Variants in CNTNAP2 observed in about 807,000 individuals in gnomAD.
CNTNAP2 encodes the protein contactin associated protein 2.
CNTNAP2 carries 98 observed loss-of-function variants against 155.2 expected under a neutral mutation model. The observed-to-expected ratio is 0.63, with a 90% confidence interval of 0.54 to 0.75. CNTNAP2 has a LOEUF of 0.75. Among genes scored for constraint, CNTNAP2 ranks in the 30% least tolerant of loss-of-function variants. CNTNAP2 has a pLI of 0.00. For missense variants in CNTNAP2, 1,727 were observed against 1,688.1 expected, an observed-to-expected ratio of 1.02 and a Z score of -0.40; for synonymous variants, 651 against 631.2, an observed-to-expected ratio of 1.03 and a Z score of -0.47.
At chr7:147,129,707 C>T (rs868062685) in intron 7 of CNTNAP2, among the ~76,000 whole-genome samples, 2 of 152,026 alleles carry the variant, frequency 1.3e-5, no homozygotes, top group Non-Finnish European at 2.9e-5. Context: ...CTGATGGTCT[C>T]GTTGCCTCAA....
chr7:147,286,644 A>G (rs1805186152), intron 8 of CNTNAP2, among the ~76,000 whole-genome samples: 1 of 152,144 alleles, frequency 6.6e-6, no homozygotes, highest in Admixed American at 6.6e-5. Flanking sequence ...CTGAAAGTGC[A>G]TACAAATTTG....
intron 9 of CNTNAP2, among the ~76,000 whole-genome samples, chr7:147,351,828 G>A (rs7798078): frequency 0.28 from 42,485 of 151,664 alleles, 6,236 homozygotes; most frequent in African/African-American, 0.34. Flanking sequence ...AAGACTATAT[G>A]AATCTGATTC....
rs1800060425 is a variant in CNTNAP2 at position 148,419,251 on chromosome 7, A to C, written c.*3635A>C. 1 of 151,922 alleles carries C rather than the reference A, an allele frequency of 6.6e-6. No homozygotes were observed. The highest frequency in any genetic ancestry group is 1.5e-5 in the Non-Finnish European group (1 of 67,978). The allele number at this position is 151,922 out of a possible 1,614,324, so 9.4% of individuals were successfully genotyped here. A position where few individuals can be genotyped will look rare whatever the true frequency, so the allele number is the denominator to read the frequency against. ...CACCACCCTGTTGAGCAATTTTCCCAAAAAAAGGGCAGCAATTATTAAATT... is the reference window on the plus strand; with the variant it reads ...CACCACCCTGTTGAGCAATTTTCCCCAAAAAAGGGCAGCAATTATTAAATT... On this transcript the variant is annotated 3_prime_UTR_variant, in exon 24 of 24. Transcript: ENST00000361727.
At chr7:148,021,191 T>TTTTGTTTTG (rs71527869) in intron 15 of CNTNAP2, among the ~76,000 whole-genome samples, 3 of 151,700 alleles carry the variant, frequency 2.0e-5, no homozygotes, top group East Asian at 1.9e-4. Flanking sequence ...AGGTTTTTTG[T>TTTTGTTTTG]TTTTGTTTTG....
chr7:147,917,719 TAAGGGGCAAC>T (rs1563134532), intron 14 of CNTNAP2, among the ~76,000 whole-genome samples: 15 of 152,128 alleles, frequency 9.9e-5, no homozygotes, highest in Non-Finnish European at 2.2e-4. Flanking sequence ...AAATGAGCAT[TAAGGGGCAAC>T]TAAGAGCCTC....
At chr7:147,601,644 A>AAATATATAT (rs1299075338) in intron 12 of CNTNAP2, among the ~76,000 whole-genome samples, 29 of 87,444 alleles carry the variant, frequency 3.3e-4, no homozygotes, top group South Asian at 7.4e-4. Context: ...CTTAAAAAAA[A>AAATATATAT]ATATATATAT....
At chr7:146,247,310 G>C (rs1173035400) in intron 1 of CNTNAP2, among the ~76,000 whole-genome samples, 1 of 152,194 alleles carries the variant, frequency 6.6e-6, no homozygotes, top group African/African-American at 2.4e-5. Flanking sequence ...TGCTGAGCAG[G>C]TGCCGGAGGG....
chr7:147,564,263 A>T (rs902200270), intron 12 of CNTNAP2, among the ~76,000 whole-genome samples: 1 of 140,714 alleles, frequency 7.1e-6, no homozygotes, highest in Non-Finnish European at 1.6e-5. Context: ...GCTAGCTCCC[A>T]GTTTAATTTT....
At chr7:148,414,017 T>G (rs552616213) in intron 23 of CNTNAP2, among the ~76,000 whole-genome samples, 1 of 152,254 alleles carries the variant, frequency 6.6e-6, no homozygotes, top group East Asian at 1.9e-4. Context: ...TTTAGATCAG[T>G]TATATTTACT....
At chr7:148,413,842 C>CAAA (rs1799912090) in intron 23 of CNTNAP2, among the ~76,000 whole-genome samples, 1 of 125,210 alleles carries the variant, frequency 8.0e-6, no homozygotes, top group Non-Finnish European at 1.8e-5. Flanking sequence ...CTACTAACAA[C>CAAA]CTTGTCCTTT....
rs181659101 is a variant in CNTNAP2, at chr7:146,621,925, G to T, written c.98-152346G>T. ...TTATTCAATCATTTACATTATTATG[G>T]ACACATGAAATTTGATTTTATCATA... On this transcript the variant is annotated intron_variant, in intron 1 of 23. Transcript: ENST00000361727. 2.4e-4 allele frequency among the ~76,000 whole-genome samples: 37 copies of T among 151,900 alleles called. 1 individual carries two copies. In the East Asian group the frequency reaches 6.6e-3, roughly 27 times the overall value.
chr7:148,281,760 T>C (rs1796976396), intron 21 of CNTNAP2, among the ~76,000 whole-genome samples: 1 of 151,934 alleles, frequency 6.6e-6, no homozygotes, highest in Non-Finnish European at 1.5e-5. Flanking sequence ...CTTTGTCACA[T>C]TACAGCTGAG....
chr7:146,163,540 T>G lies in CNTNAP2; in HGVS notation c.97+46567T>G, dbSNP rs942340966. Among the ~76,000 whole-genome samples the G allele has an allele frequency of 1.2e-3, 171 of 145,044 alleles. 1 individual carries two copies. The highest frequency in any genetic ancestry group is 4.3e-3 in the African/African-American group (168 of 39,004). ...ATCTATATATATCTATATATATCTA[T>G]ATCTATATATCTATATCTATATCTA... On this transcript the variant is annotated intron_variant, in intron 1 of 23. Transcript: ENST00000361727.
At chr7:146,152,543 A>T (rs1798067492) in intron 1 of CNTNAP2, among the ~76,000 whole-genome samples, 1 of 152,124 alleles carries the variant, frequency 6.6e-6, no homozygotes, top group Non-Finnish European at 1.5e-5. Flanking sequence ...AAGAATAATT[A>T]TGTGAAGTTA....
chr7:146,483,281 AAATATATATATATATATATAT>A (rs1233393105), intron 1 of CNTNAP2, among the ~76,000 whole-genome samples: 3 of 58,036 alleles, frequency 5.2e-5, no homozygotes, highest in East Asian at 9.7e-4. Context: ...GTCTAAAAAA[AAATATATATATATATATATAT>A]ATATATATAT....
At chr7:148,250,183 G>A (rs1020657212) in intron 20 of CNTNAP2, among the ~76,000 whole-genome samples, 5 of 152,238 alleles carry the variant, frequency 3.3e-5, no homozygotes, top group Admixed American at 6.5e-5. Context: ...CTAACCCCTC[G>A]AATCCCTCAA....
At chr7:146,911,623 A>G (rs1224981290) in intron 3 of CNTNAP2, among the ~76,000 whole-genome samples, 1 of 127,748 alleles carries the variant, frequency 7.8e-6, no homozygotes, top group East Asian at 2.7e-4. Context: ...ACATGGACAC[A>G]TGAAGGGGAG....
Position 147,305,967 on chromosome 7 carries a change from C to A in CNTNAP2, c.1498+5677C>A, listed in dbSNP as rs114501110. On this transcript the variant is annotated intron_variant, in intron 9 of 23. Transcript: ENST00000361727. ...GTCTCTGCCTCCATCTTCACATAGT[C>A]TCCTCCCCTTTGTGTTTCCGCATCT... Among the ~76,000 whole-genome samples the A allele has an allele frequency of 7.2e-3, 1,100 of 152,192 alleles. 16 individuals are homozygous for A. The highest frequency in any genetic ancestry group is 0.025 in the African/African-American group (1,042 of 41,514).
chr7:147,257,249 T>C (rs543085516), intron 8 of CNTNAP2, among the ~76,000 whole-genome samples: 6 of 152,116 alleles, frequency 3.9e-5, no homozygotes, highest in East Asian at 1.9e-4. Context: ...CAGTGAAACA[T>C]TGAGGTTTAG....
Sources: allele counts gnomAD v4.1 joint callset (sites outside exome capture counted in the v4.1 genomes callset), GRCh38; gene constraint gnomAD v4.1.1; transcripts MANE v1.5; gene names NCBI Gene and HGNC (gene_info 2026-07-23, HGNC 2026-07-21).